Variants in BCOR observed in about 807,000 individuals in gnomAD.
BCOR encodes BCL6 corepressor, also known as BCL-6 corepressor.
Under a neutral mutation model 86.7 loss-of-function variants are expected in BCOR, and 10 were observed. The observed-to-expected ratio is 0.12, with a 90% confidence interval of 0.07 to 0.20. The LOEUF (loss-of-function observed/expected upper bound fraction) is 0.20, where lower values mean the gene tolerates loss of function less well. Ranked by LOEUF, BCOR falls within the 10% of genes least tolerant of loss-of-function variation. BCOR has a pLI of 1.00. For synonymous variants in BCOR, 611 were observed against 609.0 expected, an observed-to-expected ratio of 1.00 and a Z score of -0.05; for missense variants, 1,259 against 1,452.1, an observed-to-expected ratio of 0.87 and a Z score of 2.16.
chrX:40,116,279 C>T (rs183357301), intron 1 of BCOR, among the ~76,000 whole-genome samples: 5 of 111,406 alleles, frequency 4.5e-5, no homozygotes, highest in African/African-American at 9.8e-5. Flanking sequence ...GGGTGGATCA[C>T]GAGGTCAGGA....
intron 1 of BCOR, among the ~76,000 whole-genome samples, chrX:40,158,681 G>A (rs946286902): frequency 2.7e-5 from 3 of 113,052 alleles, no homozygotes; most frequent in Non-Finnish European, 3.8e-5. Flanking sequence ...AGCTGGGGGT[G>A]GGGGGCGAGG....
At chrX:40,120,789 T>C (rs1937473523) in intron 1 of BCOR, among the ~76,000 whole-genome samples, 1 of 111,755 alleles carries the variant, frequency 8.9e-6, no homozygotes, top group Non-Finnish European at 1.9e-5. Flanking sequence ...GGTCACAAAA[T>C]TACCATGGAT....
intron 1 of BCOR, among the ~76,000 whole-genome samples, chrX:40,172,512 G>A (rs1323889130): frequency 8.8e-6 from 1 of 113,558 alleles, no homozygotes; most frequent in South Asian, 3.5e-4. Flanking sequence ...GGAAGGAAAA[G>A]CGGAGGCCCG....
chrX:40,139,766 G>A (rs938524635), intron 1 of BCOR, among the ~76,000 whole-genome samples: 2 of 101,086 alleles, frequency 2.0e-5, no homozygotes, highest in African/African-American at 7.1e-5. Flanking sequence ...AGCCAAGATC[G>A]TGCCACTGCG....
chrX:40,109,608 G>A (rs1315610960), intron 1 of BCOR, among the ~76,000 whole-genome samples: 2 of 110,618 alleles, frequency 1.8e-5, no homozygotes, highest in Non-Finnish European at 3.8e-5. Context: ...TCCGGGGCCC[G>A]GACGGGGTCG....
chrX:40,090,084 A>G (rs1936532696), intron 1 of BCOR, among the ~76,000 whole-genome samples: 1 of 112,360 alleles, frequency 8.9e-6, no homozygotes, highest in South Asian at 3.7e-4. Context: ...TGTTCCGGGA[A>G]CTACCTACAC....
At chrX:40,084,680 A>G (rs1007878191) in intron 1 of BCOR, among the ~76,000 whole-genome samples, 4 of 109,774 alleles carry the variant, frequency 3.6e-5, no homozygotes, top group Non-Finnish European at 7.6e-5. Flanking sequence ...TTGTAGGAGT[A>G]AAACACAAAC....
intron 1 of BCOR, among the ~76,000 whole-genome samples, chrX:40,113,320 T>C (rs1189009451): frequency 1.9e-5 from 2 of 107,023 alleles, no homozygotes; most frequent in African/African-American, 3.4e-5. Context: ...GGTGGGAGGA[T>C]TGCTTAACCC....
chrX:40,095,003 G>A (rs1296331012), intron 1 of BCOR, among the ~76,000 whole-genome samples: 2 of 112,495 alleles, frequency 1.8e-5, no homozygotes, highest in African/African-American at 6.5e-5. Flanking sequence ...AGCCCCAGCC[G>A]CGACTTGCCG....
At chrX:40,151,740 G>GGCT (rs751411513) in intron 1 of BCOR, among the ~76,000 whole-genome samples, 87 of 112,493 alleles carry the variant, frequency 7.7e-4, no homozygotes, top group Non-Finnish European at 1.5e-3. Context: ...CGGCGGCGGC[G>GGCT]GCTCCAATTA....
chrX:40,156,927 G>A (rs751890985), intron 1 of BCOR, among the ~76,000 whole-genome samples: 1 of 113,822 alleles, frequency 8.8e-6, no homozygotes, highest in Admixed American at 9.2e-5. Context: ...CGCGCTTCCC[G>A]CGAGGGGCAT....
Position 40,074,234 on chromosome X carries a change from G to A in BCOR, c.1112C>T (p.Ala371Val), listed in dbSNP as rs2147252093. ...AACTGTCATGTATGGCTTTGACAGG[G>A]CAACTGAAGGAGAGGTGGAGATCCT... ...YARISTSPSV[A>V]LSKPYMTVSS... The change falls in exon 4 of 15, where the codon GCC becomes GTC. Residue 371 changes from alanine (A) to valine (V), a missense_variant. Ala to Val is a moderately conservative substitution (Grantham distance 64). Transcript: ENST00000378444. The A allele has an allele frequency of 8.2e-7, 1 of 1,212,217 alleles. No homozygotes were observed. The highest frequency in any genetic ancestry group is 1.8e-5 in the South Asian group (1 of 56,996).
At chrX:40,109,210 G>A (rs1351259115) in intron 1 of BCOR, among the ~76,000 whole-genome samples, 1 of 112,355 alleles carries the variant, frequency 8.9e-6, no homozygotes, top group Non-Finnish European at 1.9e-5. Context: ...CCGGGAACCG[G>A]GAGGGCAGGC....
At chrX:40,167,695 T>C (rs1938531331) in intron 1 of BCOR, among the ~76,000 whole-genome samples, 1 of 111,714 alleles carries the variant, frequency 9.0e-6, no homozygotes. Context: ...CACCCTCGGA[T>C]TGGCATTTCT....
chrX:40,155,764 C>T (rs1429996739), intron 1 of BCOR, among the ~76,000 whole-genome samples: 2 of 112,612 alleles, frequency 1.8e-5, no homozygotes, highest in African/African-American at 3.2e-5. Flanking sequence ...TGATAATGTG[C>T]GATCAACACC....
Position 40,074,715 on chromosome X carries a change from T to C in BCOR, c.631A>G (p.Asn211Asp), listed in dbSNP as rs1305101701. 1 of 1,209,722 alleles carries C rather than the reference T, an allele frequency of 8.3e-7. No individual in the cohort carries two copies. The highest frequency in any genetic ancestry group is 1.1e-6 in the Non-Finnish European group (1 of 895,116). ...PAIYPFLDSP[N>D]KYSLNMYKAL... ...TTGTACATGTTCAGTGAATACTTAT[T>C]TGGCGAGTCGAGGAAAGGGTAGATG... The change falls in exon 4 of 15, where the codon AAT becomes GAT. Residue 211 changes from asparagine (N) to aspartate (D), a missense_variant. Coordinates refer to ENST00000378444, the MANE Select transcript of BCOR (RefSeq NM_001123385.2).
intron 1 of BCOR, among the ~76,000 whole-genome samples, chrX:40,103,698 C>T (rs1446249931): frequency 9.0e-6 from 1 of 111,594 alleles, no homozygotes; most frequent in Non-Finnish European, 1.9e-5. Context: ...TTTCCACTGA[C>T]ACTCCAGAGA....
At chrX:40,104,761 C>T (rs1280433224) in intron 1 of BCOR, among the ~76,000 whole-genome samples, 1 of 113,245 alleles carries the variant, frequency 8.8e-6, no homozygotes, top group Non-Finnish European at 1.9e-5. Flanking sequence ...AGCGGGGAAA[C>T]CCCTCCTCTC....
At chrX:40,071,989 G>C (rs1935497291) in intron 4 of BCOR, 1 of 389,609 alleles carries the variant, frequency 2.6e-6, no homozygotes, top group East Asian at 4.3e-5. Flanking sequence ...CAGGTATCAA[G>C]TAAGGCATTC....
Sources: gnomAD v4.1 joint callset for allele counts (sites outside exome capture counted in the v4.1 genomes callset) on GRCh38, gnomAD v4.1.1 for gene constraint, MANE v1.5 for transcripts, NCBI Gene and HGNC (gene_info 2026-07-23, HGNC 2026-07-21) for gene names.